Variants in ABTB3 observed in about 807,000 individuals in gnomAD.
The protein encoded by ABTB3 is ankyrin repeat and BTB domain containing 3.
the ABTB3 span, chr12:107,320,517 A>G: frequency 4.7e-6 from 2 of 428,164 alleles, no homozygotes; most frequent in African/African-American, 2.6e-5. Flanking sequence ...GCTCTCCGCA[A>G]TCCAGTGCTC....
the ABTB3 span, among the ~76,000 whole-genome samples, chr12:107,424,490 A>T: frequency 3.9e-5 from 6 of 152,304 alleles, no homozygotes; most frequent in South Asian, 1.2e-3. Context: ...GCTTGGTTTA[A>T]TGAAAAGCCC....
the ABTB3 span, among the ~76,000 whole-genome samples, chr12:107,437,013 G>A: frequency 1.3e-5 from 2 of 152,070 alleles, no homozygotes; most frequent in Middle Eastern, 3.4e-3. Context: ...TTTTACCTCT[G>A]ATTTCAGGAG....
the ABTB3 span, among the ~76,000 whole-genome samples, chr12:107,623,787 GCTTACT>G: frequency 1.3e-5 from 2 of 152,186 alleles, no homozygotes; most frequent in African/African-American, 4.8e-5. Context: ...TCCTTCTGGA[GCTTACT>G]GACCAAAAGC....
At chr12:107,617,254 T>C in the ABTB3 span, 6 of 1,613,698 alleles carry the variant, frequency 3.7e-6, no homozygotes, top group Admixed American at 1.7e-5. Flanking sequence ...CCTGTGACTA[T>C]ATTTTTGCTT....
At chr12:107,417,155 C>G in the ABTB3 span, among the ~76,000 whole-genome samples, 1 of 152,210 alleles carries the variant, frequency 6.6e-6, no homozygotes, top group Non-Finnish European at 1.5e-5. Flanking sequence ...TTTCCTCATT[C>G]ATTCATCCAA....
At chr12:107,552,829 T>C in the ABTB3 span, among the ~76,000 whole-genome samples, 2 of 152,192 alleles carry the variant, frequency 1.3e-5, no homozygotes, top group East Asian at 3.9e-4. Flanking sequence ...AGATCCAATT[T>C]AGGCATCACC....
the ABTB3 span, chr12:107,581,135 CCCT>C: frequency 6.5e-4 from 1,000 of 1,546,132 alleles, 3 homozygotes; most frequent in Non-Finnish European, 8.2e-4. Context: ...GTCTCCGGGT[CCCT>C]CCTCCCACCG....
At chr12:107,409,927 A>G in the ABTB3 span, among the ~76,000 whole-genome samples, 1 of 152,232 alleles carries the variant, frequency 6.6e-6, no homozygotes, top group Non-Finnish European at 1.5e-5. Flanking sequence ...CTCTTGTTTA[A>G]AAATAATTAT....
chr12:107,651,539 A>G, the ABTB3 span: 1 of 591,046 alleles, frequency 1.7e-6, no homozygotes, highest in Admixed American at 2.5e-5. Context: ...ACCTTTGTGC[A>G]TCATTTCCCG....
the ABTB3 span, among the ~76,000 whole-genome samples, chr12:107,637,389 C>T: frequency 6.6e-6 from 1 of 151,856 alleles, no homozygotes; most frequent in African/African-American, 2.4e-5. Context: ...GAGACTCCAT[C>T]TCAAAAAATT....
chr12:107,489,280 G>T, the ABTB3 span, among the ~76,000 whole-genome samples: 1 of 152,136 alleles, frequency 6.6e-6, no homozygotes, highest in African/African-American at 2.4e-5. Context: ...CAGGACTTTG[G>T]GAGGCCAAGG....
At chr12:107,404,727 T>C in the ABTB3 span, among the ~76,000 whole-genome samples, 1 of 152,170 alleles carries the variant, frequency 6.6e-6, no homozygotes, top group Admixed American at 6.5e-5. Flanking sequence ...AGGTGCTTTT[T>C]CACTGCCACA....
At chr12:107,360,917 C>CTAATT in the ABTB3 span, among the ~76,000 whole-genome samples, 1 of 121,634 alleles carries the variant, frequency 8.2e-6, no homozygotes, top group Middle Eastern at 4.2e-3. Context: ...CCATGCCCAG[C>CTAATT]TAATTTAATT....
At chr12:107,404,960 T>A in the ABTB3 span, among the ~76,000 whole-genome samples, 1 of 152,186 alleles carries the variant, frequency 6.6e-6, no homozygotes, top group East Asian at 1.9e-4. Flanking sequence ...TAGTGAGACA[T>A]GGTTTAAGGA....
the ABTB3 span, among the ~76,000 whole-genome samples, chr12:107,422,770 C>T: frequency 2.0e-5 from 3 of 152,246 alleles, no homozygotes; most frequent in Admixed American, 1.3e-4. Context: ...AGAAACCCAA[C>T]TCACACTGGC....
the ABTB3 span, among the ~76,000 whole-genome samples, chr12:107,445,867 TCTC>T: frequency 1.3e-5 from 1 of 76,610 alleles, no homozygotes. Context: ...CAAATCTCCC[TCTC>T]CCCTCTCCCC....
At chr12:107,494,589 C>T in the ABTB3 span, among the ~76,000 whole-genome samples, 14 of 152,148 alleles carry the variant, frequency 9.2e-5, no homozygotes, top group African/African-American at 2.9e-4. Context: ...CAAAAGGTCA[C>T]GGGAGTTTCT....
At chr12:107,496,236 C>G in the ABTB3 span, among the ~76,000 whole-genome samples, 1 of 152,180 alleles carries the variant, frequency 6.6e-6, no homozygotes, top group African/African-American at 2.4e-5. Context: ...CCTGCCTTAT[C>G]TCCAGGTACA....
the ABTB3 span, among the ~76,000 whole-genome samples, chr12:107,526,648 G>A: frequency 6.6e-6 from 1 of 152,030 alleles, no homozygotes; most frequent in East Asian, 1.9e-4. Flanking sequence ...AAAAAAAAAT[G>A]AGGACTTCTT....
Sources: allele counts gnomAD v4.1 joint callset (sites outside exome capture counted in the v4.1 genomes callset), GRCh38; gene constraint gnomAD v4.1.1; transcripts MANE v1.5; gene names NCBI Gene and HGNC (gene_info 2026-07-23, HGNC 2026-07-21).